Variants in ERICH6B observed in about 807,000 individuals in gnomAD.
ERICH6B encodes glutamate-rich protein 6B.
A neutral mutation model predicts 80.0 loss-of-function variants in ERICH6B; 69 were observed. The ratio of observed to expected loss-of-function variants is 0.86; its 90% confidence interval spans 0.71 to 1.05. The LOEUF (loss-of-function observed/expected upper bound fraction) is 1.05, where lower values mean the gene tolerates loss of function less well. Ranked by LOEUF, ERICH6B falls within the 50% of genes least tolerant of loss-of-function variation. The pLI is 0.00. For synonymous variants in ERICH6B, 283 were observed against 291.9 expected (o/e 0.97, Z 0.31); for missense variants, 754 against 796.1 (o/e 0.95, Z 0.64).
intron 8 of ERICH6B, among the ~76,000 whole-genome samples, chr13:45,573,308 T>A (rs896409035): frequency 1.7e-4 from 26 of 152,232 alleles, no homozygotes; most frequent in Non-Finnish European, 4.4e-5. Flanking sequence ...AGTAAGTTAT[T>A]GAACAGAATG....
intron 2 of ERICH6B, among the ~76,000 whole-genome samples, chr13:45,600,169 C>T (rs1044008317): frequency 4.6e-5 from 7 of 152,136 alleles, no homozygotes; most frequent in African/African-American, 1.7e-4. Context: ...CCTCAACATA[C>T]CACCTATTAT....
chr13:45,549,772 C>T, intron 13 of ERICH6B, 121 bp downstream of exon 13: 2 of 1,137,396 alleles, frequency 1.8e-6, no homozygotes, highest in South Asian at 1.6e-5. Context: ...GGTGCTCATT[C>T]TCCCATTTCC....
intron 1 of ERICH6B, among the ~76,000 whole-genome samples, chr13:45,615,074 GGA>G (rs1949920232): frequency 6.6e-6 from 1 of 152,232 alleles, no homozygotes. Flanking sequence ...GAACTTTCAA[GGA>G]GGGTGACTTT....
chr13:45,545,123 C>T (rs930568316), intron 13 of ERICH6B, 138 bp from the exon 14 acceptor site: 13 of 711,804 alleles, frequency 1.8e-5, no homozygotes, highest in Non-Finnish European at 2.3e-5. Context: ...GAAGCTCCAA[C>T]ATGGACAACC....
rs989341657 is a variant in ERICH6B, at chr13:45,568,365, A to G, written c.1137T>C (p.Ile379=). The change falls in exon 9 of 15, where the codon ATT becomes ATC. Residue 379 remains isoleucine, a synonymous_variant. Transcript: ENST00000298738. ...CACTTTCCAGTAGCTTAGTTAGGGG[A>G]ATGTCAAAATCCTCTTCCAGTTCAT... ...AHNELEEDFD[I]PLTKLLESEN... 3 of 1,548,582 alleles carry G rather than the reference A, an allele frequency of 1.9e-6. No homozygotes were observed. The highest frequency in any genetic ancestry group is 2.6e-6 in the Non-Finnish European group (3 of 1,146,026).
intron 11 of ERICH6B, among the ~76,000 whole-genome samples, chr13:45,554,317 G>A (rs1039005875): frequency 1.3e-5 from 2 of 152,182 alleles, no homozygotes; most frequent in African/African-American, 4.8e-5. Context: ...TTAAGGCTGA[G>A]TAGTATTCCA....
In ERICH6B at chr13:45,609,462, C is replaced by T. The variant is rs143051710; in HGVS notation, c.-110-1847G>A. ...CACCCCTGACCCTCACCTCCAATCA[C>T]TACATGTATTATCATGTTGTTTTAG... On this transcript the variant is annotated intron_variant, in intron 1 of 14. Transcript: ENST00000298738. Among the ~76,000 whole-genome samples, 91 of 152,344 alleles carry T rather than the reference C, an allele frequency of 6.0e-4. 1 individual carries two copies. In the East Asian group the frequency reaches 0.015, roughly 25 times the overall value.
At chr13:45,554,815 T>C (rs1034800111) in intron 11 of ERICH6B, among the ~76,000 whole-genome samples, 2 of 152,228 alleles carry the variant, frequency 1.3e-5, no homozygotes, top group Non-Finnish European at 2.9e-5. Flanking sequence ...CCATGGCTGC[T>C]GTGAGGCCCT....
intron 8 of ERICH6B, among the ~76,000 whole-genome samples, chr13:45,574,624 C>T (rs1566294822): frequency 6.6e-6 from 1 of 152,148 alleles, no homozygotes; most frequent in East Asian, 1.9e-4. Context: ...GCCCCATCTA[C>T]ATAGAGGGAG....
In ERICH6B at chr13:45,580,685, G is replaced by A. The variant is rs889778603; in HGVS notation, c.857-20C>T. 3 of 1,550,708 alleles carry A rather than the reference G, an allele frequency of 1.9e-6. No individual in the cohort carries two copies. In the African/African-American group the frequency reaches 4.1e-5, roughly 21 times the overall value. ...ATTTTACTGTTAAAAGGCAGAAGAG[G>A]GTGGCTATTAATGATTTAAACCTTA... On this transcript the variant is annotated intron_variant, in intron 5 of 14. Transcript: ENST00000298738.
rs1355487540 is a variant in ERICH6B at position 45,580,516 on chromosome 13, T to TG, written c.919+86dup. The TG allele has an allele frequency of 5.0e-6, 7 of 1,387,182 alleles. No homozygotes were observed. In the East Asian group the frequency reaches 1.5e-4, roughly 30 times the overall value. 85.9% of individuals were successfully genotyped at this position (1,387,182 alleles called of 1,614,324 possible). A position where few individuals can be genotyped will look rare whatever the true frequency, so the allele number is the denominator to read the frequency against. ...TGGCCAACAGCATGCTCTCCTTGGC[T>TG]GGGGGCAGGCTAATTCTGTGCTTCT... On this transcript the variant is annotated intron_variant, in intron 6 of 14. Coordinates refer to ENST00000298738, the MANE Select transcript of ERICH6B (RefSeq NM_182542.3).
At chr13:45,555,376 T>C (rs1874395214) in intron 11 of ERICH6B, 1 of 152,228 alleles carries the variant, frequency 6.6e-6, no homozygotes, top group Non-Finnish European at 1.5e-5. Flanking sequence ...GGCCCAAGTG[T>C]TGAAGGAATA....
intron 10 of ERICH6B, 38 bp from the exon 11 acceptor site, chr13:45,561,564 T>C: frequency 6.5e-7 from 1 of 1,544,070 alleles, no homozygotes; most frequent in Non-Finnish European, 8.7e-7. Context: ...AATAAGATTT[T>C]GGTGGGAAAG....
chr13:45,550,834 C>G (rs1874192921), intron 11 of ERICH6B, among the ~76,000 whole-genome samples: 1 of 152,120 alleles, frequency 6.6e-6, no homozygotes, highest in African/African-American at 2.4e-5. Flanking sequence ...CGTGGCCATC[C>G]TCTTAGGAGG....
At position 45,545,803 on chromosome 13, in the gene ERICH6B, G is replaced by A. The variant is rs76123605; in HGVS notation, c.1647-818C>T. ...CTCTGCAGGAGAGCTGAGCAGAAGG[G>A]CAGAGCGTGGCCTTGTTCAATCTCA... On this transcript the variant is annotated intron_variant, in intron 13 of 14. Transcript: ENST00000298738. 1.1e-4 allele frequency among the ~76,000 whole-genome samples: 16 copies of A among 152,226 alleles called. No individual in the cohort carries two copies. The East Asian group carries it at 3.1e-3, about 29-fold the overall frequency.
intron 2 of ERICH6B, among the ~76,000 whole-genome samples, chr13:45,597,587 A>G (rs1228238296): frequency 6.6e-6 from 1 of 152,104 alleles, no homozygotes; most frequent in Non-Finnish European, 1.5e-5. Context: ...CCTCATGGCT[A>G]CCACATGCAC....
At position 45,550,278 on chromosome 13, in the gene ERICH6B, G is replaced by T. The variant is rs377216055; in HGVS notation, c.1446C>A (p.Asn482Lys). ...GAAAGAGAATTTGATAGACATTCTT[G>T]TTGGGGTAGAGAATTAATTTTCCAT... ...QGDGKLILYP[N>K]KNVYQILFPD... Residue 482 changes from asparagine (N) to lysine (K), a missense_variant, in exon 12 of 15, where the codon AAC becomes AAA. Asn to Lys is a moderately conservative substitution (Grantham distance 94, BLOSUM62 0). Transcript: ENST00000298738. The T allele has an allele frequency of 7.3e-4, 1,131 of 1,551,636 alleles. 10 individuals carry two copies. In the South Asian group the frequency reaches 0.012, roughly 16 times the overall value.
intron 14 of ERICH6B, among the ~76,000 whole-genome samples, chr13:45,544,303 G>A (rs1873903832): frequency 6.6e-6 from 1 of 152,168 alleles, no homozygotes; most frequent in Non-Finnish European, 1.5e-5. Flanking sequence ...TCGAACTCCT[G>A]GCGCTAAGTG....
intron 2 of ERICH6B, among the ~76,000 whole-genome samples, chr13:45,604,142 G>A (rs932993013): frequency 2.0e-5 from 3 of 152,254 alleles, no homozygotes; most frequent in African/African-American, 7.2e-5. Context: ...CTCTCACAGT[G>A]CAGTGCGGTG....
Sources: allele counts gnomAD v4.1 joint callset (sites outside exome capture counted in the v4.1 genomes callset), GRCh38; gene constraint gnomAD v4.1.1; transcripts MANE v1.5; gene names NCBI Gene and HGNC (gene_info 2026-07-23, HGNC 2026-07-21).